PLCB1: variants seen among roughly 807,000 people sequenced by gnomAD.
PLCB1 encodes 1-phosphatidylinositol 4,5-bisphosphate phosphodiesterase beta-1.
A neutral mutation model predicts 161.8 loss-of-function variants in PLCB1; 46 were observed. The ratio of observed to expected loss-of-function variants is 0.28; its 90% confidence interval spans 0.22 to 0.36. The LOEUF (loss-of-function observed/expected upper bound fraction) is 0.36, where lower values mean the gene tolerates loss of function less well. Ranked by LOEUF, PLCB1 falls within the 10% of genes least tolerant of loss-of-function variation. The pLI is 1.00. For synonymous variants in PLCB1, 517 were observed against 503.7 expected (o/e 1.03, Z -0.35); for missense variants, 1,016 against 1,472.5 (o/e 0.69, Z 5.07).
At position 8,776,846 on chromosome 20, in the gene PLCB1, G is replaced by A. The variant is rs190050314; in HGVS notation, c.3111+2127G>A. Among the ~76,000 whole-genome samples the A allele has an allele frequency of 3.9e-5, 6 of 152,236 alleles. No individual in the cohort carries two copies. The East Asian group carries it at 1.2e-3, about 29-fold the overall frequency. On this transcript the variant is annotated intron_variant, in intron 27 of 31. Transcript: ENST00000338037. ...ATGTAGTATGTTAGGTAGTAATAAGGGCTTAGGAGAAAAACAATAACAGAA... is the reference window on the plus strand; with the variant it reads ...ATGTAGTATGTTAGGTAGTAATAAGAGCTTAGGAGAAAAACAATAACAGAA...
intron 3 of PLCB1, among the ~76,000 whole-genome samples, chr20:8,444,324 A>G (rs1172387316): frequency 1.3e-5 from 2 of 152,160 alleles, no homozygotes; most frequent in Non-Finnish European, 2.9e-5. Context: ...TTTGCTGACA[A>G]TGATGGTTTC....
intron 9 of PLCB1, among the ~76,000 whole-genome samples, chr20:8,674,093 A>C (rs1170755825): frequency 6.6e-6 from 1 of 152,168 alleles, no homozygotes; most frequent in Non-Finnish European, 1.5e-5. Flanking sequence ...GTTTTGTCTC[A>C]TTTCCTTCAA....
At chr20:8,136,550 T>C (rs374806880) in intron 1 of PLCB1, among the ~76,000 whole-genome samples, 2,713 of 149,626 alleles carry the variant, frequency 0.018, 53 homozygotes, top group African/African-American at 0.052. Flanking sequence ...GGCGTGAACC[T>C]GGGAGGCGGA....
chr20:8,245,711 A>G (rs148232237), intron 2 of PLCB1, among the ~76,000 whole-genome samples: 1 of 152,038 alleles, frequency 6.6e-6, no homozygotes, highest in East Asian at 1.9e-4. Flanking sequence ...AAAAGACTAT[A>G]TGTAAGAGTG....
chr20:8,877,695 T>C (rs1987828259), intron 31 of PLCB1, among the ~76,000 whole-genome samples: 1 of 152,254 alleles, frequency 6.6e-6, no homozygotes, highest in Non-Finnish European at 1.5e-5. Context: ...AATTACCCTG[T>C]ATTCTTTTCA....
intron 2 of PLCB1, among the ~76,000 whole-genome samples, chr20:8,277,862 T>G (rs1982658079): frequency 6.6e-6 from 1 of 152,118 alleles, no homozygotes; most frequent in African/African-American, 2.4e-5. Flanking sequence ...GACAATATAC[T>G]GTGGGTTGTC....
At chr20:8,268,971 G>A (rs1310864167) in intron 2 of PLCB1, among the ~76,000 whole-genome samples, 1 of 152,072 alleles carries the variant, frequency 6.6e-6, no homozygotes, top group Non-Finnish European at 1.5e-5. Flanking sequence ...TGTATGTATT[G>A]AGGCAGTCTT....
chr20:8,171,157 G>A (rs1486825242), intron 2 of PLCB1, among the ~76,000 whole-genome samples: 1 of 151,862 alleles, frequency 6.6e-6, no homozygotes. Context: ...AGTATATGGT[G>A]CAACATTTTA....
intron 3 of PLCB1, among the ~76,000 whole-genome samples, chr20:8,537,304 T>C (rs1600136825): frequency 6.6e-6 from 1 of 152,202 alleles, no homozygotes; most frequent in African/African-American, 2.4e-5. Context: ...ACTTCCTGCA[T>C]CTTTTGTCCC....
In PLCB1 at chr20:8,442,340, A is replaced by G. The variant is rs369552651; in HGVS notation, c.246+70890A>G. Among the ~76,000 whole-genome samples the G allele has an allele frequency of 4.0e-4, 61 of 152,262 alleles. 1 individual carries two copies. The East Asian group carries it at 0.012, about 29-fold the overall frequency. ...GTGAGGGTGGCTCTCTGCTTCCAAG[A>G]TGGTTCCTCTAGAGGAGGGAACACT... On this transcript the variant is annotated intron_variant, in intron 3 of 31. Transcript: ENST00000338037.
At chr20:8,721,882 T>C (rs1272989081) in intron 14 of PLCB1, among the ~76,000 whole-genome samples, 1 of 152,126 alleles carries the variant, frequency 6.6e-6, no homozygotes. Flanking sequence ...CTGAGCTATG[T>C]GCTGGCCACG....
intron 1 of PLCB1, among the ~76,000 whole-genome samples, chr20:8,137,385 G>C (rs776464545): frequency 1.6e-4 from 24 of 152,212 alleles, no homozygotes; most frequent in Non-Finnish European, 3.2e-4. Context: ...GTTGGTAGCT[G>C]GCTGATGTGG....
chr20:8,324,233 TGTGTGTGA>T (rs2122170381), intron 2 of PLCB1, among the ~76,000 whole-genome samples: 1 of 136,906 alleles, frequency 7.3e-6, no homozygotes, highest in East Asian at 2.3e-4. Context: ...TGTGTGTGTG[TGTGTGTGA>T]AACTACGTGA....
At chr20:8,368,942 A>G (rs899804637) in intron 2 of PLCB1, among the ~76,000 whole-genome samples, 2 of 148,598 alleles carry the variant, frequency 1.3e-5, no homozygotes, top group Non-Finnish European at 3.0e-5. Context: ...ATCATGCCAT[A>G]GCTCTCTGTA....
intron 4 of PLCB1, among the ~76,000 whole-genome samples, chr20:8,629,829 CTT>C (rs869098423): frequency 1.5e-5 from 1 of 65,706 alleles, no homozygotes; most frequent in African/African-American, 6.8e-5. Flanking sequence ...TTCTTTCTTT[CTT>C]TCTTTCTTTC....
intron 3 of PLCB1, among the ~76,000 whole-genome samples, chr20:8,523,849 C>A (rs1984477202): frequency 6.6e-6 from 1 of 151,948 alleles, no homozygotes; most frequent in Non-Finnish European, 1.5e-5. Context: ...CCCAGTGAGA[C>A]ACAGAGGAAG....
intron 2 of PLCB1, among the ~76,000 whole-genome samples, chr20:8,274,695 G>T (rs1982444237): frequency 6.6e-6 from 1 of 151,944 alleles, no homozygotes; most frequent in Non-Finnish European, 1.5e-5. Flanking sequence ...TTTAGGAAGG[G>T]TTCAGAAGTG....
At chr20:8,280,728 T>C (rs1172376184) in intron 2 of PLCB1, among the ~76,000 whole-genome samples, 3 of 152,204 alleles carry the variant, frequency 2.0e-5, no homozygotes, top group African/African-American at 4.8e-5. Flanking sequence ...TTATTAAATA[T>C]TAAGCATTTA....
At chr20:8,349,415 A>G (rs2122252127) in intron 2 of PLCB1, among the ~76,000 whole-genome samples, 2 of 152,304 alleles carry the variant, frequency 1.3e-5, no homozygotes, top group South Asian at 4.1e-4. Context: ...TGTATAAGTG[A>G]CCATGATAGA....
Sources: allele counts gnomAD v4.1 joint callset (sites outside exome capture counted in the v4.1 genomes callset), GRCh38; gene constraint gnomAD v4.1.1; transcripts MANE v1.5; gene names NCBI Gene and HGNC (gene_info 2026-07-23, HGNC 2026-07-21).